NKAIN3: variants seen among roughly 807,000 people sequenced by gnomAD.
NKAIN3 encodes sodium/potassium transporting ATPase interacting 3, also known as sodium/potassium-transporting ATPase subunit beta-1-interacting protein 3.
NKAIN3 carries 25 observed loss-of-function variants against 30.2 expected under a neutral mutation model. The ratio of observed to expected loss-of-function variants is 0.83; its 90% CI spans 0.60 to 1.16. NKAIN3 has a LOEUF of 1.16. Ranked by LOEUF, NKAIN3 falls within the 50% of genes most tolerant of loss-of-function variation. The pLI is 0.00. For missense variants in NKAIN3, 225 were observed against 254.1 expected (o/e 0.89, Z 0.78); for synonymous variants, 91 against 89.6 (o/e 1.02, Z -0.09).
chr8:62,624,321 C>T (rs1400751144), intron 3 of NKAIN3, among the ~76,000 whole-genome samples: 1 of 151,980 alleles, frequency 6.6e-6, no homozygotes, highest in African/African-American at 2.4e-5. Flanking sequence ...TGTCCAACCC[C>T]TATTCAAGAT....
At chr8:62,680,378 T>C (rs564030940) in intron 3 of NKAIN3, among the ~76,000 whole-genome samples, 18 of 152,122 alleles carry the variant, frequency 1.2e-4, no homozygotes, top group Non-Finnish European at 2.5e-4. Flanking sequence ...GATAGTAAAT[T>C]TGTGTTGTTT....
chr8:62,261,992 G>A (rs1812456958), intron 1 of NKAIN3, among the ~76,000 whole-genome samples: 1 of 152,108 alleles, frequency 6.6e-6, no homozygotes, highest in Non-Finnish European at 1.5e-5. Context: ...CTGTGTGTGT[G>A]TGATCTTAGA....
chr8:62,534,817 G>GCTTCTTTCTT (rs749261488), intron 1 of NKAIN3, among the ~76,000 whole-genome samples: 43 of 149,996 alleles, frequency 2.9e-4, no homozygotes, highest in Non-Finnish European at 5.8e-4. Flanking sequence ...CCAGGGAAGT[G>GCTTCTTTCTT]CTTCTTTCTT....
rs531740815 is a variant in NKAIN3 at position 62,939,127 on chromosome 8, T to C, written c.533-14775T>C. On this transcript the variant is annotated intron_variant, in intron 5 of 6. Coordinates refer to ENST00000623646, the MANE Select transcript of NKAIN3 (RefSeq NM_001304533.3). ...AAAATACACTGGGAAATCTCAGCAATAAAATCAAACAAGTAGAAGAAAGAA... is the reference window on the plus strand; with the variant it reads ...AAAATACACTGGGAAATCTCAGCAACAAAATCAAACAAGTAGAAGAAAGAA... Among the ~76,000 whole-genome samples, 42 of 152,038 alleles carry C rather than the reference T, an allele frequency of 2.8e-4. No individual in the cohort carries two copies. In the South Asian group the frequency reaches 8.7e-3, roughly 32 times the overall value.
intron 3 of NKAIN3, among the ~76,000 whole-genome samples, chr8:62,690,767 A>AT (rs1813942855): frequency 6.6e-6 from 1 of 152,142 alleles, no homozygotes; most frequent in African/African-American, 2.4e-5. Flanking sequence ...CCAGCTTGAG[A>AT]TTTTCTGAAT....
At chr8:62,457,921 A>T (rs1805868255) in intron 1 of NKAIN3, among the ~76,000 whole-genome samples, 1 of 152,154 alleles carries the variant, frequency 6.6e-6, no homozygotes, top group African/African-American at 2.4e-5. Context: ...GGCCAAGATT[A>T]CTTAAGCCAC....
At chr8:62,440,702 A>AT (rs35092616) in intron 1 of NKAIN3, among the ~76,000 whole-genome samples, 63,002 of 147,156 alleles carry the variant, frequency 0.43, 14,830 homozygotes, top group Non-Finnish European at 0.54. Flanking sequence ...CTTCTTCTTT[A>AT]TTTTTTTTTT....
intron 3 of NKAIN3, among the ~76,000 whole-genome samples, chr8:62,710,161 T>C (rs1814668609): frequency 6.6e-6 from 1 of 152,042 alleles, no homozygotes; most frequent in South Asian, 2.1e-4. Flanking sequence ...GTCTTGGAGA[T>C]TGTTCCATGT....
intron 1 of NKAIN3, among the ~76,000 whole-genome samples, chr8:62,458,951 C>G (rs2129599333): frequency 6.6e-6 from 1 of 151,876 alleles, no homozygotes; most frequent in South Asian, 2.1e-4. Flanking sequence ...GATTTTCAGA[C>G]TCTCTGTAGC....
At chr8:62,297,151 C>T (rs1456774218) in intron 1 of NKAIN3, among the ~76,000 whole-genome samples, 1 of 152,076 alleles carries the variant, frequency 6.6e-6, no homozygotes, top group African/African-American at 2.4e-5. Context: ...CCCTTCCTTA[C>T]ACCTTATACA....
At chr8:62,622,675 C>T (rs1026113872) in intron 3 of NKAIN3, among the ~76,000 whole-genome samples, 1 of 151,860 alleles carries the variant, frequency 6.6e-6, no homozygotes, top group Non-Finnish European at 1.5e-5. Context: ...AAATACTAGT[C>T]TTTTGTCAGA....
At chr8:62,374,908 A>G (rs560434108) in intron 1 of NKAIN3, among the ~76,000 whole-genome samples, 2 of 152,340 alleles carry the variant, frequency 1.3e-5, no homozygotes, top group Non-Finnish European at 2.9e-5. Context: ...CTGTATGCAC[A>G]TAAAAAGAGC....
chr8:62,623,244 T>C (rs1285788316), intron 3 of NKAIN3, among the ~76,000 whole-genome samples: 1 of 152,116 alleles, frequency 6.6e-6, no homozygotes, highest in Non-Finnish European at 1.5e-5. Flanking sequence ...TCGTTTAAGC[T>C]GGAGAGGTCT....
chr8:62,853,413 G>T (rs1286511177), intron 4 of NKAIN3, among the ~76,000 whole-genome samples: 3 of 152,088 alleles, frequency 2.0e-5, no homozygotes, highest in African/African-American at 4.8e-5. Flanking sequence ...TATCCAATTT[G>T]CCAGTCTGTG....
Position 62,897,676 on chromosome 8 carries a change from A to G in NKAIN3, c.472-20777A>G, listed in dbSNP as rs2130832598. On this transcript the variant is annotated intron_variant, in intron 4 of 6. Coordinates refer to ENST00000623646, the MANE Select transcript of NKAIN3 (RefSeq NM_001304533.3). ...ATGGCAATACTGGGAGGTGACTCCC[A>G]GTGGAAGGTGTTTGAGTCAGTGGGG... Among the ~76,000 whole-genome samples, 4 of 152,262 alleles carry G rather than the reference A, an allele frequency of 2.6e-5. No homozygotes were observed. The South Asian group carries it at 8.3e-4, about 32-fold the overall frequency.
intron 1 of NKAIN3, among the ~76,000 whole-genome samples, chr8:62,353,180 T>C (rs1289904111): frequency 1.3e-5 from 2 of 152,180 alleles, no homozygotes; most frequent in African/African-American, 4.8e-5. Context: ...CAGTGGTACA[T>C]ATACCCAGGT....
chr8:62,712,967 C>A (rs1023868788), intron 3 of NKAIN3, among the ~76,000 whole-genome samples: 3 of 152,172 alleles, frequency 2.0e-5, no homozygotes, highest in Non-Finnish European at 2.9e-5. Context: ...CAAGTAAAGT[C>A]GGAAACTTCT....
At chr8:62,766,167 C>T (rs1816832275) in intron 4 of NKAIN3, among the ~76,000 whole-genome samples, 1 of 151,954 alleles carries the variant, frequency 6.6e-6, no homozygotes, top group African/African-American at 2.4e-5. Flanking sequence ...TAGAATAACA[C>T]AGAGGAAAAG....
chr8:62,527,920 A>ATGTGT (rs1563441070), intron 1 of NKAIN3, among the ~76,000 whole-genome samples: 2 of 108,336 alleles, frequency 1.8e-5, no homozygotes, highest in Non-Finnish European at 4.3e-5. Context: ...TGTGTGTGAC[A>ATGTGT]GAGAGACAGA....
Sources: allele counts gnomAD v4.1 joint callset (sites outside exome capture counted in the v4.1 genomes callset), GRCh38; gene constraint gnomAD v4.1.1; transcripts MANE v1.5; gene names NCBI Gene and HGNC (gene_info 2026-07-23, HGNC 2026-07-21).